Variants in ZFHX4 observed in about 807,000 individuals in gnomAD.
The protein encoded by ZFHX4 is zinc finger homeobox 4, also known as zinc finger homeobox protein 4.
ZFHX4 carries 56 observed loss-of-function variants against 267.6 expected under a neutral mutation model. That is an observed-to-expected ratio of 0.21 (90% CI 0.17 to 0.26). The LOEUF is 0.26. Among genes scored for constraint, ZFHX4 ranks in the 10% least tolerant of loss-of-function variants. The probability of loss-of-function intolerance (pLI) is 1.00; values close to 1 mark genes in which losing one functional copy is unlikely to be tolerated. For missense variants in ZFHX4, 4,332 were observed against 4,420.0 expected (o/e 0.98, Z 0.56); for synonymous variants, 1,778 against 1,665.6 (o/e 1.07, Z -1.64).
chr8:76,791,502 G>A lies in ZFHX4; in HGVS notation c.3325+13063G>A, dbSNP rs1563524445. ...TATAAATGATATTAATATCATATTG[G>A]CATACCAAATTTGAGAACATATTTT... On this transcript the variant is annotated intron_variant, in intron 4 of 10. Transcript: ENST00000651372. 3.3e-5 allele frequency among the ~76,000 whole-genome samples: 5 copies of A among 152,110 alleles called. No homozygotes were observed. The South Asian group carries it at 1.0e-3, about 31-fold the overall frequency.
At chr8:76,752,147 G>T (rs1370719071) in intron 3 of ZFHX4, among the ~76,000 whole-genome samples, 1 of 152,118 alleles carries the variant, frequency 6.6e-6, no homozygotes, top group Admixed American at 6.6e-5. Context: ...CGGGACATCA[G>T]AATTCAGTTT....
At chr8:76,681,991 G>C (rs974498436) in intron 1 of ZFHX4, among the ~76,000 whole-genome samples, 1 of 152,132 alleles carries the variant, frequency 6.6e-6, no homozygotes, top group Admixed American at 6.5e-5. Flanking sequence ...CGTTTGCTTG[G>C]GCAGTTTTCT....
chr8:76,860,157 A>G (rs1187536153), intron 10 of ZFHX4, among the ~76,000 whole-genome samples: 1 of 152,064 alleles, frequency 6.6e-6, no homozygotes, highest in Non-Finnish European at 1.5e-5. Context: ...CTGGCTACTG[A>G]TATTTTTACT....
At chr8:76,716,043 G>A (rs1808562558) in intron 3 of ZFHX4, among the ~76,000 whole-genome samples, 1 of 152,190 alleles carries the variant, frequency 6.6e-6, no homozygotes, top group South Asian at 2.1e-4. Context: ...ATGCAGGGCT[G>A]AATGTGGGAA....
chr8:76,685,990 T>G (rs1807682995), intron 1 of ZFHX4, among the ~76,000 whole-genome samples: 1 of 152,190 alleles, frequency 6.6e-6, no homozygotes, highest in Non-Finnish European at 1.5e-5. Context: ...ATATGTGACT[T>G]GACTGGAAAG....
At chr8:76,818,191 A>G (rs1330415550) in intron 4 of ZFHX4, among the ~76,000 whole-genome samples, 1 of 152,204 alleles carries the variant, frequency 6.6e-6, no homozygotes, top group African/African-American at 2.4e-5. Flanking sequence ...TGAGTAGGGA[A>G]GGAAAATGAA....
intron 5 of ZFHX4, among the ~76,000 whole-genome samples, chr8:76,840,325 G>T (rs1812202863): frequency 6.6e-6 from 1 of 152,156 alleles, no homozygotes. Context: ...TTGATGGGGA[G>T]CGTCTATCCC....
chr8:76,766,170 G>GA lies in ZFHX4; in HGVS notation c.3094-12030dup, dbSNP rs1167497157. On this transcript the variant is annotated intron_variant, in intron 3 of 10. Transcript: ENST00000651372. ...AAGAAATCTTGTTGAACAAGTGCTTGAAAAAAAAGATAAAAAATTGATCAT... is the reference window on the plus strand; with the variant it reads ...AAGAAATCTTGTTGAACAAGTGCTTGAAAAAAAAAGATAAAAAATTGATCAT... Among the ~76,000 whole-genome samples, 4 of 151,548 alleles carry GA rather than the reference G, an allele frequency of 2.6e-5. No individual in the cohort carries two copies. In the East Asian group the frequency reaches 7.7e-4, roughly 29 times the overall value.
At chr8:76,727,810 A>G (rs1426617916) in intron 3 of ZFHX4, among the ~76,000 whole-genome samples, 1 of 152,130 alleles carries the variant, frequency 6.6e-6, no homozygotes, top group African/African-American at 2.4e-5. Context: ...CACCCATTTA[A>G]CCTTCTGTTC....
chr8:76,827,918 A>T (rs1274837238), intron 4 of ZFHX4, among the ~76,000 whole-genome samples: 4 of 152,242 alleles, frequency 2.6e-5, no homozygotes, highest in African/African-American at 9.6e-5. Context: ...AATGCACTTC[A>T]ATCTATTACT....
intron 3 of ZFHX4, among the ~76,000 whole-genome samples, chr8:76,761,837 G>A (rs1172370891): frequency 6.6e-6 from 1 of 152,124 alleles, no homozygotes; most frequent in South Asian, 2.1e-4. Flanking sequence ...CAATCTCTTT[G>A]CCTCTGTACA....
chr8:76,774,012 T>A (rs1282860932), intron 3 of ZFHX4, among the ~76,000 whole-genome samples: 3 of 152,144 alleles, frequency 2.0e-5, no homozygotes, highest in Admixed American at 2.0e-4. Context: ...TGGACCAGAC[T>A]GAATAAAAGC....
intron 3 of ZFHX4, among the ~76,000 whole-genome samples, chr8:76,769,428 T>C (rs991414708): frequency 1.3e-5 from 2 of 151,968 alleles, no homozygotes; most frequent in Non-Finnish European, 2.9e-5. Context: ...CCATTCACTA[T>C]GGCCTTGACC....
intron 1 of ZFHX4, among the ~76,000 whole-genome samples, chr8:76,700,670 A>G (rs1025525807): frequency 6.6e-6 from 1 of 152,206 alleles, no homozygotes; most frequent in Non-Finnish European, 1.5e-5. Context: ...AAGAGATTTG[A>G]CATGATCAAA....
At position 76,851,913 on chromosome 8, in the gene ZFHX4, T is replaced by A. The variant is rs1199956240; in HGVS notation, c.4992T>A (p.His1664Gln). The A allele has an allele frequency of 2.5e-6, 4 of 1,613,970 alleles. No individual in the cohort carries two copies. The highest frequency in any genetic ancestry group is 3.3e-4 in the Middle Eastern group (2 of 6,062). The change falls in exon 10 of 11, where the codon CAT becomes CAA. Residue 1664 changes from histidine (H) to glutamine (Q), a missense_variant. His to Gln is a conservative substitution (Grantham distance 24). Coordinates refer to ENST00000651372, the MANE Select transcript of ZFHX4 (RefSeq NM_024721.5). ...SLAAVNSKDT[H>Q]LDAKELNKKQ... ...CAGCTGTAAACAGCAAAGATACCCA[T>A]TTAGATGCCAAAGAATTAAATAAAA...
intron 4 of ZFHX4, among the ~76,000 whole-genome samples, chr8:76,779,008 T>C (rs932942669): frequency 6.6e-6 from 1 of 152,204 alleles, no homozygotes; most frequent in Admixed American, 6.5e-5. Flanking sequence ...CTAACACGTT[T>C]TGAATGGCAT....
At chr8:76,836,452 C>A (rs1812094937) in intron 5 of ZFHX4, among the ~76,000 whole-genome samples, 1 of 152,020 alleles carries the variant, frequency 6.6e-6, no homozygotes, top group Admixed American at 6.5e-5. Flanking sequence ...GAGCGGTAGT[C>A]AGAGAAGTTC....
chr8:76,740,558 T>C (rs1438622215), intron 3 of ZFHX4, among the ~76,000 whole-genome samples: 4 of 152,104 alleles, frequency 2.6e-5, no homozygotes, highest in African/African-American at 7.2e-5. Flanking sequence ...CCTTTAATGC[T>C]GTAGAGACAT....
chr8:76,704,006 A>G lies in ZFHX4; in HGVS notation c.-46-37A>G, dbSNP rs910420971. ...CTATTAGTGAGCTGTGTCATTATTT[A>G]ATAAAAATGGCTTCTCTCACCTTAT... On this transcript the variant is annotated intron_variant, in intron 1 of 10. Transcript: ENST00000651372. 5 of 1,320,076 alleles carry G rather than the reference A, an allele frequency of 3.8e-6. No individual in the cohort carries two copies. The African/African-American group carries it at 7.5e-5, about 20-fold the overall frequency. 81.8% of individuals were successfully genotyped at this position (1,320,076 alleles called of 1,614,324 possible).
Sources: allele counts gnomAD v4.1 joint callset (sites outside exome capture counted in the v4.1 genomes callset), GRCh38; gene constraint gnomAD v4.1.1; transcripts MANE v1.5; gene names NCBI Gene and HGNC (gene_info 2026-07-23, HGNC 2026-07-21).